Variants in RAB36 observed in about 807,000 individuals in gnomAD.
The protein encoded by RAB36 is ras-related protein Rab-36.
A neutral mutation model predicts 39.3 loss-of-function variants in RAB36; 33 were observed. That is an observed-to-expected ratio of 0.84 (90% CI 0.64 to 1.12). The LOEUF is 1.12. Ranked by LOEUF, RAB36 falls within the 50% of genes most tolerant of loss-of-function variation. The pLI is 0.00. For missense variants in RAB36, 308 were observed against 355.3 expected, an observed-to-expected ratio of 0.87 and a Z score of 1.07; for synonymous variants, 133 against 140.2, an observed-to-expected ratio of 0.95 and a Z score of 0.36.
intron 6 of RAB36, among the ~76,000 whole-genome samples, chr22:23,156,898 C>T (rs935640405): frequency 2.6e-5 from 4 of 152,164 alleles, no homozygotes; most frequent in Non-Finnish European, 5.9e-5. Flanking sequence ...GCCTGGCTGC[C>T]GTCATCCCTT....
intron 2 of RAB36, among the ~76,000 whole-genome samples, chr22:23,149,309 A>G (rs967987350): frequency 6.6e-6 from 1 of 152,194 alleles, no homozygotes; most frequent in Non-Finnish European, 1.5e-5. Flanking sequence ...GGCCAATCCA[A>G]TGGCAAAAAA....
At chr22:23,153,725 C>G in intron 5 of RAB36, 1 of 748,502 alleles carries the variant, frequency 1.3e-6, no homozygotes, top group Non-Finnish European at 1.6e-6. Flanking sequence ...GAGACAGAGT[C>G]TTGCTCTGTC....
At chr22:23,150,216 C>T (rs765641529) in intron 3 of RAB36, 62 bp downstream of exon 3, 2 of 1,317,644 alleles carry the variant, frequency 1.5e-6, no homozygotes, top group South Asian at 2.5e-5. Context: ...GCATGAAGCA[C>T]GTGAAAGAAT....
At chr22:23,148,605 G>T (rs554866822) in intron 2 of RAB36, among the ~76,000 whole-genome samples, 54 of 152,266 alleles carry the variant, frequency 3.5e-4, no homozygotes, top group African/African-American at 1.3e-3. Context: ...GGCCACTGCT[G>T]GTCAAGTTCA....
In RAB36 at chr22:23,145,482, C is replaced by T. The variant is rs759396188; in HGVS notation, c.-82C>T. The stretch of plus-strand genomic sequence containing the variant: ...GCAGGTCCCGCGTGGCTCTCGTTGC[C>T]ATGGTGATCGCCGCCGCTGGCTCAG... On this transcript the variant is annotated 5_prime_UTR_variant, in exon 1 of 11. Coordinates refer to ENST00000263116, the MANE Select transcript of RAB36 (RefSeq NM_004914.5). 1.1e-5 allele frequency: 18 copies of T among 1,608,914 alleles called. No individual in the cohort carries two copies. Among genetic ancestry groups the T allele is most frequent in the Non-Finnish European group, 1.5e-5 (18 of 1,179,822 alleles).
chr22:23,166,812 A>C (rs2072060376), downstream of RAB36, among the ~76,000 whole-genome samples: 1 of 152,012 alleles, frequency 6.6e-6, no homozygotes, highest in Non-Finnish European at 1.5e-5. Flanking sequence ...CCCACCACCC[A>C]CTGGAACCCA....
chr22:23,168,124 C>T (rs1164604526), downstream of RAB36, among the ~76,000 whole-genome samples: 2 of 152,176 alleles, frequency 1.3e-5, no homozygotes, highest in African/African-American at 4.8e-5. Flanking sequence ...TCTGGCCCAG[C>T]CCTTTGCATT....
rs1569215821 is a variant in RAB36, at chr22:23,158,914, G to A, written c.463G>A (p.Ala155Thr). ...LEHTRQWLED[A>T]LRENEAGSCF... ...ACACTCCAGGCAGTGGTTGGAGGAT[G>A]CTCTGAGGGAGAACGAGGCAGGCTC... Residue 155 changes from alanine (A) to threonine (T), a missense_variant, in exon 8 of 11, where the codon GCT becomes ACT. Coordinates refer to ENST00000263116, the MANE Select transcript of RAB36 (RefSeq NM_004914.5). 2 of 1,614,172 alleles carry A rather than the reference G, an allele frequency of 1.2e-6. No individual in the cohort carries two copies. The highest frequency in any genetic ancestry group is 1.1e-5 in the South Asian group (1 of 91,086).
At position 23,161,537 on chromosome 22, in the gene RAB36, G is replaced by T; in HGVS notation, c.777G>T (p.Lys259Asn). 1 of 1,612,680 alleles carries T rather than the reference G, an allele frequency of 6.2e-7. No individual in the cohort carries two copies. Among genetic ancestry groups the T allele is most frequent in the Non-Finnish European group, 8.5e-7 (1 of 1,179,536 alleles). Reference protein sequence around the residue: ...EGSPPETQESKRPSSLGCC With the variant: ...EGSPPETQESNRPSSLGCC ...GTCCGCCCGAGACCCAGGAGAGCAA[G>T]AGGCCCTCCAGCCTGGGCTGCTGCT... Residue 259 changes from lysine (K) to asparagine (N), a missense_variant, in exon 11 of 11, where the codon AAG (lysine) becomes AAT (asparagine). Physicochemically the swap from Lys to Asn is moderately conservative, Grantham distance 94. Coordinates refer to ENST00000263116, the MANE Select transcript of RAB36 (RefSeq NM_004914.5).
intron 3 of RAB36, among the ~76,000 whole-genome samples, chr22:23,150,536 CGT>C (rs1260780146): frequency 6.6e-6 from 1 of 151,866 alleles, no homozygotes; most frequent in Non-Finnish European, 1.5e-5. Context: ...CTCCTGACCT[CGT>C]GATCAGCCTG....
At chr22:23,166,128 G>A (rs371393752), downstream of RAB36, among the ~76,000 whole-genome samples, 92 of 131,194 alleles carry the variant, frequency 7.0e-4, no homozygotes, top group African/African-American at 2.2e-3. Context: ...CCTGGGTGAC[G>A]GAGTGAGACT....
At chr22:23,146,381 G>GTT (rs147076751) in intron 1 of RAB36, among the ~76,000 whole-genome samples, 1,724 of 150,028 alleles carry the variant, frequency 0.011, 17 homozygotes, top group Non-Finnish European at 0.02. Flanking sequence ...TAATTTTTTT[G>GTT]GTTTTTTTTT....
At chr22:23,149,839 A>G (rs895106652) in intron 2 of RAB36, among the ~76,000 whole-genome samples, 1 of 152,222 alleles carries the variant, frequency 6.6e-6, no homozygotes, top group African/African-American at 2.4e-5. Flanking sequence ...CAGATCTCCA[A>G]GTCCCTGCCT....
intron 4 of RAB36, 82 bp from the exon 5 acceptor site, chr22:23,152,950 TA>T: frequency 1.0e-6 from 1 of 1,000,164 alleles, no homozygotes; most frequent in Non-Finnish European, 1.6e-6. Flanking sequence ...CTTATTTGCC[TA>T]AAGACTTGCA....
Position 23,162,502 on chromosome 22 carries a change from A to T in RAB36, c.*938A>T. ...AGGACCTTTGTAATGGTGTCCATGC[A>T]CCTTTAGAGGACTTCAGAGGCCCTG... On this transcript the variant is annotated 3_prime_UTR_variant, in exon 11 of 11. Coordinates refer to ENST00000263116, the MANE Select transcript of RAB36 (RefSeq NM_004914.5). The T allele has an allele frequency of 2.5e-6, 1 of 395,970 alleles. No homozygotes were observed. Among genetic ancestry groups the T allele is most frequent in the Non-Finnish European group, 5.2e-6 (1 of 192,840 alleles). The allele number at this position is 395,970 out of a possible 1,614,324, so 24.5% of individuals were successfully genotyped here. A position where few individuals can be genotyped will look rare whatever the true frequency, so the allele number is the denominator to read the frequency against.
In RAB36 at chr22:23,165,003, C is replaced by A. The variant is rs991260202; in HGVS notation, c.*3439C>A. Among the ~76,000 whole-genome samples the A allele has an allele frequency of 2.6e-5, 4 of 151,590 alleles. No homozygotes were observed. Among genetic ancestry groups the A allele is most frequent in the Admixed American group, 6.6e-5 (1 of 15,216 alleles). ...GTGCCCAACGGCTGGGACACCCCTACTCCCAGAGAGGCCTCTGTGGACACC... is the reference window on the plus strand; with the variant it reads ...GTGCCCAACGGCTGGGACACCCCTAATCCCAGAGAGGCCTCTGTGGACACC... On this transcript the variant is annotated 3_prime_UTR_variant, in exon 11 of 11. Transcript: ENST00000263116.
At chr22:23,149,980 G>A (rs2071008688) in intron 2 of RAB36, 83 bp from the exon 3 acceptor site, 1 of 1,107,174 alleles carries the variant, frequency 9.0e-7, no homozygotes, top group Non-Finnish European at 1.3e-6. Flanking sequence ...AGGCTGGGAA[G>A]ATCATCTCCC....
downstream of RAB36, among the ~76,000 whole-genome samples, chr22:23,167,826 G>A (rs1339830855): frequency 1.3e-5 from 2 of 151,924 alleles, no homozygotes; most frequent in Non-Finnish European, 2.9e-5. Context: ...GGGACTACAG[G>A]TGCACTACTG....
rs747110184 is a variant in RAB36 at position 23,146,695 on chromosome 22, C to T, written c.69+10C>T. 1 of 1,613,572 alleles carries T rather than the reference C, an allele frequency of 6.2e-7. No homozygotes were observed. Among genetic ancestry groups the T allele is most frequent in the Non-Finnish European group, 8.5e-7 (1 of 1,179,716 alleles). On this transcript the variant is annotated intron_variant, in intron 2 of 10. Transcript: ENST00000263116. ...CGCCAGCTTCCCTAAGGTAGAGAGT[C>T]ATTACGTCTGCAGTGCTCTCCTGGC...
Sources: gnomAD v4.1 joint callset for allele counts (sites outside exome capture counted in the v4.1 genomes callset) on GRCh38, gnomAD v4.1.1 for gene constraint, MANE v1.5 for transcripts, NCBI Gene and HGNC (gene_info 2026-07-23, HGNC 2026-07-21) for gene names.